Variants in PCDH15 observed in about 807,000 individuals in gnomAD.
PCDH15 encodes the protein protocadherin related 15, also known as protocadherin-15.
A neutral mutation model predicts 178.5 loss-of-function variants in PCDH15; 129 were observed. The observed-to-expected ratio is 0.72, with a 90% CI of 0.63 to 0.84. The LOEUF (loss-of-function observed/expected upper bound fraction) is 0.84. PCDH15 is among the 40% of genes least tolerant of loss of function. The probability of loss-of-function intolerance (pLI) is 0.00; values close to 1 mark genes in which losing one functional copy is unlikely to be tolerated. For missense variants in PCDH15, 2,230 were observed against 2,099.9 expected (o/e 1.06, Z -1.21); for synonymous variants, 800 against 732.0 (o/e 1.09, Z -1.50).
At chr10:54,822,108 A>G (rs1189013563) in intron 3 of PCDH15, among the ~76,000 whole-genome samples, 1 of 152,188 alleles carries the variant, frequency 6.6e-6, no homozygotes, top group Admixed American at 6.6e-5. Flanking sequence ...AACAATCAAT[A>G]AGGGTAATTG....
intron 2 of PCDH15, among the ~76,000 whole-genome samples, chr10:55,329,691 G>A (rs1844143156): frequency 6.6e-6 from 1 of 151,788 alleles, no homozygotes; most frequent in African/African-American, 2.4e-5. Context: ...GAGTGGGGAA[G>A]TCTCAATAAA....
rs563015837 is a variant in PCDH15, at chr10:53,853,047, C to T, written c.3806+4128G>A. On this transcript the variant is annotated intron_variant, in intron 28 of 37. Transcript: ENST00000644397. The stretch of plus-strand genomic sequence containing the variant: ...CTGACTCAGGTCTTACAGTTCTTAT[C>T]ACTACCACTTCCATCTACTAATGTA... 2.6e-5 allele frequency among the ~76,000 whole-genome samples: 4 copies of T among 152,122 alleles called. No homozygotes were observed. The East Asian group carries it at 7.7e-4, about 29-fold the overall frequency.
At chr10:54,269,410 T>C (rs1217330407) in intron 8 of PCDH15, among the ~76,000 whole-genome samples, 1 of 151,976 alleles carries the variant, frequency 6.6e-6, no homozygotes, top group East Asian at 1.9e-4. Flanking sequence ...CTAGCAATGA[T>C]CTGCAAGGTG....
At chr10:54,229,670 T>G (rs7919046) in intron 9 of PCDH15, among the ~76,000 whole-genome samples, 8,320 of 152,230 alleles carry the variant, frequency 0.055, 565 homozygotes, top group African/African-American at 0.17. Flanking sequence ...TTTCTTATAT[T>G]TTGCCATGTG....
chr10:55,351,356 C>T (rs780875500), intron 2 of PCDH15, among the ~76,000 whole-genome samples: 40 of 152,046 alleles, frequency 2.6e-4, no homozygotes, highest in Admixed American at 7.9e-4. Flanking sequence ...TACTTTTCAA[C>T]TGTATTCAGT....
chr10:54,341,823 A>G (rs560996989), intron 6 of PCDH15, among the ~76,000 whole-genome samples: 2 of 152,320 alleles, frequency 1.3e-5, no homozygotes, highest in Admixed American at 6.5e-5. Flanking sequence ...CACTCTTGCT[A>G]TGCTTTAGCA....
At chr10:54,668,090 T>C (rs752636358) in intron 1 of PCDH15, among the ~76,000 whole-genome samples, 1 of 152,112 alleles carries the variant, frequency 6.6e-6, no homozygotes, top group Non-Finnish European at 1.5e-5. Context: ...AAATCTCATA[T>C]TTATTTATCT....
intron 2 of PCDH15, among the ~76,000 whole-genome samples, chr10:55,577,346 G>A (rs1464338667): frequency 6.6e-6 from 1 of 152,036 alleles, no homozygotes; most frequent in African/African-American, 2.4e-5. Context: ...ACATATAAAG[G>A]TTTAGAAAAA....
rs1290191250 is a variant in PCDH15, at chr10:55,130,721, GTGTGTA to G, written c.-80+35849_-80+35854del. On this transcript the variant is annotated intron_variant, in intron 2 of 5. Coordinates refer to the PCDH15 transcript ENST00000458638. ...TGTGTGTGTGTGTGTGTGTGTGTGT[GTGTGTA>G]TATACATTAAGCCATAACTAGGCAC... Among the ~76,000 whole-genome samples, 13 of 88,360 alleles carry G rather than the reference GTGTGTA, an allele frequency of 1.5e-4. No individual in the cohort carries two copies. In the South Asian group the frequency reaches 2.7e-3, roughly 18 times the overall value. The allele number at this position is 88,360 out of a possible 152,430, so 58.0% of individuals were successfully genotyped here.
At chr10:54,174,699 TTTC>T (rs1224607732) in intron 13 of PCDH15, among the ~76,000 whole-genome samples, 264 of 101,430 alleles carry the variant, frequency 2.6e-3, no homozygotes, top group African/African-American at 0.011. Flanking sequence ...TTCTTTTTCT[TTTC>T]TTTTTTTTTT....
intron 13 of PCDH15, among the ~76,000 whole-genome samples, chr10:54,165,711 C>T (rs1041182863): frequency 2.0e-5 from 3 of 152,190 alleles, no homozygotes; most frequent in African/African-American, 4.8e-5. Context: ...GTCTTTCATA[C>T]TTCTTCAAGA....
chr10:55,027,432 G>A (rs577769660), intron 2 of PCDH15, among the ~76,000 whole-genome samples: 1 of 151,826 alleles, frequency 6.6e-6, no homozygotes, highest in South Asian at 2.1e-4. Flanking sequence ...GGTGAATGAG[G>A]GGGTGGGGAG....
At chr10:54,633,072 A>G (rs12763013) in intron 2 of PCDH15, among the ~76,000 whole-genome samples, 81,350 of 151,968 alleles carry the variant, frequency 0.54, 21,823 homozygotes, top group Non-Finnish European at 0.55. Flanking sequence ...GTCTTGACTC[A>G]AATTTCCATT....
intron 2 of PCDH15, among the ~76,000 whole-genome samples, chr10:54,539,592 A>G (rs576351050): frequency 3.3e-5 from 5 of 152,324 alleles, no homozygotes; most frequent in Non-Finnish European, 5.9e-5. Context: ...ACTTCCGCAG[A>G]AATTCTGGAA....
chr10:54,244,496 G>C (rs1436594816), intron 8 of PCDH15, among the ~76,000 whole-genome samples: 1 of 152,160 alleles, frequency 6.6e-6, no homozygotes, highest in Non-Finnish European at 1.5e-5. Flanking sequence ...AAAGGTTGGT[G>C]ACTTGTTCCA....
intron 2 of PCDH15, among the ~76,000 whole-genome samples, chr10:55,383,271 GCTT>G (rs34631142): frequency 0.22 from 33,395 of 151,718 alleles, 3,921 homozygotes; most frequent in African/African-American, 0.3. Context: ...ACATGCAGTT[GCTT>G]CTTCTCTCCT....
chr10:54,643,055 T>G (rs914643700), intron 2 of PCDH15, among the ~76,000 whole-genome samples: 1 of 152,160 alleles, frequency 6.6e-6, no homozygotes. Context: ...CCCGAGTAGC[T>G]GGGATTACAG....
chr10:53,904,770 A>C (rs2082559260), intron 25 of PCDH15, among the ~76,000 whole-genome samples: 1 of 152,200 alleles, frequency 6.6e-6, no homozygotes. Flanking sequence ...TCAGTAGCAG[A>C]CCACTTTTAT....
At chr10:55,421,256 A>T (rs771397199) in intron 2 of PCDH15, among the ~76,000 whole-genome samples, 31 of 151,372 alleles carry the variant, frequency 2.0e-4, no homozygotes, top group Non-Finnish European at 1.3e-4. Flanking sequence ...AGACCATAAG[A>T]TTTACATTAA....
Sources: gnomAD v4.1 joint callset for allele counts (sites outside exome capture counted in the v4.1 genomes callset) on GRCh38, gnomAD v4.1.1 for gene constraint, MANE v1.5 for transcripts, NCBI Gene and HGNC (gene_info 2026-07-23, HGNC 2026-07-21) for gene names.